NXPH1: variants seen among roughly 807,000 people sequenced by gnomAD.
NXPH1 encodes neurexophilin 1, also known as neurexophilin-1.
NXPH1 carries 5 observed loss-of-function variants against 23.7 expected under a neutral mutation model. The ratio of observed to expected loss-of-function variants is 0.21; its 90% CI spans 0.11 to 0.44. The LOEUF (loss-of-function observed/expected upper bound fraction) is 0.44. Ranked by LOEUF, NXPH1 falls within the 20% of genes least tolerant of loss-of-function variation. NXPH1 has a pLI of 0.99. For missense variants in NXPH1, 324 were observed against 321.6 expected, an observed-to-expected ratio of 1.01 and a Z score of -0.06; for synonymous variants, 144 against 122.2, an observed-to-expected ratio of 1.18 and a Z score of -1.18.
chr7:8,548,543 G>C (rs760887053), intron 2 of NXPH1, among the ~76,000 whole-genome samples: 7 of 151,504 alleles, frequency 4.6e-5, no homozygotes, highest in Admixed American at 2.0e-4. Flanking sequence ...GGGATATTCA[G>C]ACTTTTGGGT....
chr7:8,702,096 G>T (rs760309876), intron 2 of NXPH1, among the ~76,000 whole-genome samples: 20 of 150,224 alleles, frequency 1.3e-4, no homozygotes, highest in Non-Finnish European at 2.5e-4. Flanking sequence ...TGTTGATTTA[G>T]TTTTAATCAA....
intron 2 of NXPH1, among the ~76,000 whole-genome samples, chr7:8,557,025 C>T (rs1818368362): frequency 6.6e-6 from 1 of 151,658 alleles, no homozygotes; most frequent in Non-Finnish European, 1.5e-5. Flanking sequence ...CGTCTAAATT[C>T]ATAACACATA....
chr7:8,661,923 TC>T lies in NXPH1; in HGVS notation c.55-89078del, dbSNP rs139373889. Among the ~76,000 whole-genome samples the T allele has an allele frequency of 6.4e-3, 964 of 151,652 alleles. 13 individuals are homozygous for T. The highest frequency in any genetic ancestry group is 0.022 in the African/African-American group (890 of 41,366). On this transcript the variant is annotated intron_variant, in intron 2 of 2. Transcript: ENST00000405863. ...ACAAGTATTTGAAATATATCAAGTA[TC>T]CCCCCCAAAAAACAAACCAATTAAC...
At chr7:8,507,355 G>C (rs919129790) in intron 2 of NXPH1, among the ~76,000 whole-genome samples, 7 of 151,674 alleles carry the variant, frequency 4.6e-5, no homozygotes, top group Non-Finnish European at 5.9e-5. Flanking sequence ...ACCAGTGTTT[G>C]ACATAACCAG....
At chr7:8,504,367 T>G (rs925096646) in intron 2 of NXPH1, among the ~76,000 whole-genome samples, 1 of 152,052 alleles carries the variant, frequency 6.6e-6, no homozygotes, top group Non-Finnish European at 1.5e-5. Context: ...TGTATTTTTT[T>G]CAGTCTGAGA....
intron 2 of NXPH1, among the ~76,000 whole-genome samples, chr7:8,714,081 G>C (rs1779840238): frequency 6.6e-6 from 1 of 152,192 alleles, no homozygotes; most frequent in Non-Finnish European, 1.5e-5. Flanking sequence ...CCAGGGTCTA[G>C]AGTGTGAAAT....
chr7:8,576,139 T>C (rs1378604937), intron 2 of NXPH1, among the ~76,000 whole-genome samples: 1 of 152,184 alleles, frequency 6.6e-6, no homozygotes, highest in Non-Finnish European at 1.5e-5. Context: ...TTGCTTTCTT[T>C]TTCTTAAGCA....
intron 2 of NXPH1, chr7:8,690,189 G>C (rs993764539): frequency 6.6e-6 from 1 of 152,236 alleles, no homozygotes; most frequent in Non-Finnish European, 1.5e-5. Context: ...TGCCAGAAGA[G>C]TGCAAAGGAT....
chr7:8,499,187 C>G lies in NXPH1; in HGVS notation c.54+63420C>G, dbSNP rs1302993502. On this transcript the variant is annotated intron_variant, in intron 2 of 2. Transcript: ENST00000405863. ...CCTATACCAAGCAGGAAAGGATGAT[C>G]CTTAAGGAAAGTACTTTAAAGTCTC... 2.0e-5 allele frequency among the ~76,000 whole-genome samples: 3 copies of G among 152,060 alleles called. No homozygotes were observed. The East Asian group carries it at 5.9e-4, about 30-fold the overall frequency.
At chr7:8,670,330 A>G (rs965482186) in intron 2 of NXPH1, among the ~76,000 whole-genome samples, 1 of 152,238 alleles carries the variant, frequency 6.6e-6, no homozygotes, top group African/African-American at 2.4e-5. Flanking sequence ...AATCTCTCAC[A>G]AGTTCTATCC....
intron 2 of NXPH1, among the ~76,000 whole-genome samples, chr7:8,540,610 G>A (rs548072674): frequency 2.6e-5 from 4 of 151,712 alleles, no homozygotes; most frequent in East Asian, 1.9e-4. Context: ...AAGAGTCCTC[G>A]AAAGGAGAGA....
intron 2 of NXPH1, among the ~76,000 whole-genome samples, chr7:8,737,409 A>G (rs946838161): frequency 2.0e-5 from 3 of 152,208 alleles, no homozygotes; most frequent in African/African-American, 4.8e-5. Flanking sequence ...TTGGCTGGAT[A>G]TGAAATCCTG....
At chr7:8,653,104 T>G (rs1258869746) in intron 2 of NXPH1, among the ~76,000 whole-genome samples, 1 of 152,228 alleles carries the variant, frequency 6.6e-6, no homozygotes, top group Admixed American at 6.5e-5. Context: ...TGGAGCGTTT[T>G]TCACATTCTC....
chr7:8,593,566 G>T (rs1391081629), intron 2 of NXPH1, among the ~76,000 whole-genome samples: 3 of 151,946 alleles, frequency 2.0e-5, no homozygotes, highest in African/African-American at 4.8e-5. Flanking sequence ...TGCCTGTGGG[G>T]TCAATTAAAG....
intron 2 of NXPH1, among the ~76,000 whole-genome samples, chr7:8,614,992 C>G (rs1270222620): frequency 6.6e-6 from 1 of 152,046 alleles, no homozygotes; most frequent in Non-Finnish European, 1.5e-5. Context: ...AATTCTGCAG[C>G]AAATACAGCT....
At chr7:8,659,500 C>T (rs1234801916) in intron 2 of NXPH1, among the ~76,000 whole-genome samples, 1 of 152,136 alleles carries the variant, frequency 6.6e-6, no homozygotes, top group Non-Finnish European at 1.5e-5. Context: ...CCAAACACTG[C>T]ATGTTCTCAC....
intron 2 of NXPH1, among the ~76,000 whole-genome samples, chr7:8,489,981 C>G (rs1303100471): frequency 6.6e-6 from 1 of 152,040 alleles, no homozygotes; most frequent in Non-Finnish European, 1.5e-5. Flanking sequence ...CTTGGTCCCT[C>G]CAACACTCAA....
At chr7:8,488,863 A>G (rs888238103) in intron 2 of NXPH1, among the ~76,000 whole-genome samples, 1 of 152,148 alleles carries the variant, frequency 6.6e-6, no homozygotes, top group Non-Finnish European at 1.5e-5. Flanking sequence ...AGCTAATGCC[A>G]TTGCTTCTGT....
intron 2 of NXPH1, among the ~76,000 whole-genome samples, chr7:8,624,235 A>G (rs150265278): frequency 6.6e-6 from 1 of 152,284 alleles, no homozygotes; most frequent in East Asian, 1.9e-4. Flanking sequence ...CACATTTTGA[A>G]TAAGGGCAGG....
Sources: gnomAD v4.1 joint callset for allele counts (sites outside exome capture counted in the v4.1 genomes callset) on GRCh38, gnomAD v4.1.1 for gene constraint, MANE v1.5 for transcripts, NCBI Gene and HGNC (gene_info 2026-07-23, HGNC 2026-07-21) for gene names.